The following GALNT17 variants were observed in gnomAD, a reference collection of about 807,000 sequenced individuals.
GALNT17 encodes the protein polypeptide N-acetylgalactosaminyltransferase 17.
In GALNT17, 29 loss-of-function variants were observed where a neutral mutation model predicts 63.7. That is an observed-to-expected ratio of 0.46 (90% confidence interval 0.34 to 0.62). The LOEUF is 0.62. Among genes scored for constraint, GALNT17 ranks in the 20% least tolerant of loss-of-function variants. GALNT17 has a pLI of 0.01. For missense variants in GALNT17, 603 were observed against 799.6 expected (o/e 0.75, Z 2.97); for synonymous variants, 305 against 318.3 (o/e 0.96, Z 0.45).
At chr7:71,531,580 C>T (rs1788721676) in intron 5 of GALNT17, among the ~76,000 whole-genome samples, 1 of 152,120 alleles carries the variant, frequency 6.6e-6, no homozygotes. Context: ...GATATAAACT[C>T]ATTTAAATCT....
chr7:71,521,678 T>G (rs1430612169), intron 5 of GALNT17, among the ~76,000 whole-genome samples: 1 of 152,176 alleles, frequency 6.6e-6, no homozygotes, highest in East Asian at 1.9e-4. Flanking sequence ...CTGAGCCCAG[T>G]GGATTTCACC....
intron 5 of GALNT17, among the ~76,000 whole-genome samples, chr7:71,505,212 C>T (rs1441462255): frequency 6.6e-6 from 1 of 152,164 alleles, no homozygotes; most frequent in East Asian, 1.9e-4. Context: ...ACATCTTCCC[C>T]AGGCCACAGG....
At chr7:71,645,488 T>C (rs187370833) in intron 6 of GALNT17, among the ~76,000 whole-genome samples, 34 of 152,302 alleles carry the variant, frequency 2.2e-4, no homozygotes, top group Non-Finnish European at 4.0e-4. Flanking sequence ...TCCGCCATGA[T>C]TGTAAGTTTC....
At chr7:71,191,179 TC>T (rs1788945878) in intron 1 of GALNT17, among the ~76,000 whole-genome samples, 1 of 152,210 alleles carries the variant, frequency 6.6e-6, no homozygotes, top group Admixed American at 6.5e-5. Context: ...AATTTCATCA[TC>T]TCAGAAATTC....
chr7:71,437,364 A>G (rs1168642077), intron 5 of GALNT17, among the ~76,000 whole-genome samples: 1 of 152,152 alleles, frequency 6.6e-6, no homozygotes, highest in East Asian at 1.9e-4. Flanking sequence ...TCCTGACTGA[A>G]TCCCCATATT....
At chr7:71,575,589 C>A (rs1218551433) in intron 6 of GALNT17, among the ~76,000 whole-genome samples, 1 of 151,970 alleles carries the variant, frequency 6.6e-6, no homozygotes, top group Non-Finnish European at 1.5e-5. Context: ...AGGGTTTCAC[C>A]GTGTTAGCCA....
intron 1 of GALNT17, among the ~76,000 whole-genome samples, chr7:71,318,587 GT>G (rs959462043): frequency 6.6e-5 from 10 of 150,962 alleles, no homozygotes; most frequent in Non-Finnish European, 1.2e-4. Flanking sequence ...GCCCAGCTAA[GT>G]TTTTTTTTCT....
chr7:71,573,176 T>A (rs1318542364), intron 6 of GALNT17, among the ~76,000 whole-genome samples: 1 of 151,716 alleles, frequency 6.6e-6, no homozygotes, highest in Non-Finnish European at 1.5e-5. Flanking sequence ...ACCTGGCTAA[T>A]TTTTTATATT....
chr7:71,236,267 G>C (rs757085869), intron 1 of GALNT17, among the ~76,000 whole-genome samples: 19 of 152,002 alleles, frequency 1.2e-4, no homozygotes, highest in Non-Finnish European at 2.4e-4. Flanking sequence ...TGTAAGGGGC[G>C]GCTGAGGGCT....
chr7:71,389,200 C>A (rs1793006193), intron 3 of GALNT17, among the ~76,000 whole-genome samples: 1 of 151,794 alleles, frequency 6.6e-6, no homozygotes, highest in Non-Finnish European at 1.5e-5. Flanking sequence ...GTGGTATGAT[C>A]TTGGCTCACT....
At chr7:71,330,554 C>A (rs1230721033) in intron 1 of GALNT17, among the ~76,000 whole-genome samples, 1 of 152,106 alleles carries the variant, frequency 6.6e-6, no homozygotes, top group African/African-American at 2.4e-5. Context: ...CAGGCCACCA[C>A]ACTGGCTAAT....
At chr7:71,449,135 C>T (rs1318681460) in intron 5 of GALNT17, among the ~76,000 whole-genome samples, 2 of 784 alleles carry the variant, frequency 2.6e-3, no homozygotes, top group African/African-American at 9.5e-3. Context: ...TTTTTTGAGG[C>T]AGAGTCTCGC....
chr7:71,613,540 G>A (rs189430301), intron 6 of GALNT17, among the ~76,000 whole-genome samples: 1 of 152,146 alleles, frequency 6.6e-6, no homozygotes, highest in Non-Finnish European at 1.5e-5. Flanking sequence ...CTTTTTGGGA[G>A]GACCAATGAG....
chr7:71,383,373 T>G (rs934837357), intron 2 of GALNT17, among the ~76,000 whole-genome samples: 8 of 152,346 alleles, frequency 5.3e-5, no homozygotes, highest in Admixed American at 5.2e-4. Context: ...ATCTCTAGAT[T>G]ACTTACAATA....
At position 71,198,683 on chromosome 7, in the gene GALNT17, C is replaced by G. The variant is rs149509364; in HGVS notation, c.238+65643C>G. 9.2e-5 allele frequency among the ~76,000 whole-genome samples: 14 copies of G among 152,280 alleles called. No homozygotes were observed. The South Asian group carries it at 2.7e-3, about 29-fold the overall frequency. ...AGATAGGTACTTAAGATTGACAAGC[C>G]ATTTTAGTCTTGGTTTCTGCAGGTG... On this transcript the variant is annotated intron_variant, in intron 1 of 10. Coordinates refer to ENST00000333538, the MANE Select transcript of GALNT17 (RefSeq NM_022479.3).
intron 3 of GALNT17, among the ~76,000 whole-genome samples, chr7:71,393,077 C>T (rs149880122): frequency 7.2e-5 from 11 of 152,150 alleles, no homozygotes; most frequent in African/African-American, 1.9e-4. Flanking sequence ...TATAATGACT[C>T]TTCCTTCCTG....
chr7:71,221,295 G>A (rs1344194364), intron 1 of GALNT17, among the ~76,000 whole-genome samples: 1 of 151,128 alleles, frequency 6.6e-6, no homozygotes, highest in African/African-American at 2.4e-5. Flanking sequence ...ATTTCATGGT[G>A]TATGTGTACC....
At chr7:71,633,846 T>C (rs1272278866) in intron 6 of GALNT17, among the ~76,000 whole-genome samples, 2 of 152,222 alleles carry the variant, frequency 1.3e-5, no homozygotes, top group Non-Finnish European at 2.9e-5. Context: ...ATTTTTTTGC[T>C]TTCAGTTTGA....
chr7:71,522,186 G>A (rs1200566988), intron 5 of GALNT17, among the ~76,000 whole-genome samples: 1 of 152,126 alleles, frequency 6.6e-6, no homozygotes, highest in Non-Finnish European at 1.5e-5. Context: ...GGGCTTCTGT[G>A]AGTTCCTTGG....
Sources: allele counts gnomAD v4.1 joint callset (sites outside exome capture counted in the v4.1 genomes callset), GRCh38; gene constraint gnomAD v4.1.1; transcripts MANE v1.5; gene names NCBI Gene and HGNC (gene_info 2026-07-23, HGNC 2026-07-21).